The following CRYBA4 variants were observed in gnomAD, a reference collection of about 807,000 sequenced individuals.
The protein encoded by CRYBA4 is crystallin beta A4, also known as beta-crystallin A4.
A neutral mutation model predicts 31.7 loss-of-function variants in CRYBA4; 30 were observed. The observed-to-expected ratio is 0.95, with a 90% CI of 0.71 to 1.28. The LOEUF is 1.28. Among genes scored for constraint, CRYBA4 ranks in the 50% most tolerant of loss-of-function variants. The pLI is 0.00. For missense variants in CRYBA4, 225 were observed against 260.7 expected (o/e 0.86, Z 0.94); for synonymous variants, 102 against 102.3 (o/e 1.00, Z 0.02).
the CRYBA4 span, among the ~76,000 whole-genome samples, chr22:26,599,871 A>G: frequency 2.6e-5 from 4 of 152,334 alleles, no homozygotes; most frequent in South Asian, 8.3e-4. Flanking sequence ...TTCCTTTTCT[A>G]GGAAGTGAGC....
At chr22:26,600,128 G>A in the CRYBA4 span, among the ~76,000 whole-genome samples, 4 of 152,176 alleles carry the variant, frequency 2.6e-5, no homozygotes, top group Admixed American at 6.5e-5. Flanking sequence ...TTGGCTGGGC[G>A]CGGTGGCTCA....
chr22:26,605,834 G>C, the CRYBA4 span, among the ~76,000 whole-genome samples: 2 of 151,906 alleles, frequency 1.3e-5, no homozygotes, highest in Non-Finnish European at 1.5e-5. Context: ...AGCAGGGAGA[G>C]AGCTGAAGAT....
rs1459497417 is a variant in CRYBA4, at chr22:26,625,605, C to T, written c.283C>T (p.Arg95Trp). The T allele has an allele frequency of 9.9e-6, 16 of 1,613,748 alleles. No individual in the cohort carries two copies. Among genetic ancestry groups the T allele is most frequent in the Non-Finnish European group, 1.2e-5 (14 of 1,179,976 alleles). Residue 95 changes from arginine to tryptophan, a missense_variant, in exon 4 of 6, where the codon CGG becomes TGG. Transcript: ENST00000354760. ...AYPAERLTSFRPAACANHRDS... is the reference protein window; with the variant it reads ...AYPAERLTSFWPAACANHRDS... ...CCCCGCCGAGAGGCTCACCTCCTTC[C>T]GGCCTGCGGCCTGTGCTGTAAGTTC...
chr22:26,599,263 A>G, the CRYBA4 span: 6 of 571,902 alleles, frequency 1.0e-5, no homozygotes, highest in Non-Finnish European at 1.3e-5. Flanking sequence ...GTAGACTCAC[A>G]TAACAGGCAG....
At chr22:26,603,730 C>T in the CRYBA4 span, among the ~76,000 whole-genome samples, 1 of 149,266 alleles carries the variant, frequency 6.7e-6, no homozygotes, top group Non-Finnish European at 1.5e-5. Context: ...ATGGAGAAAC[C>T]CCATCTCTAC....
the CRYBA4 span, among the ~76,000 whole-genome samples, chr22:26,591,514 G>A: frequency 2.7e-5 from 4 of 150,556 alleles, no homozygotes; most frequent in Admixed American, 6.6e-5. Flanking sequence ...AGGCCGATGC[G>A]GGTGGATCAC....
intron 2 of CRYBA4, 123 bp downstream of exon 2, chr22:26,622,758 G>C: frequency 2.5e-6 from 2 of 789,664 alleles, no homozygotes; most frequent in Non-Finnish European, 4.4e-6. Flanking sequence ...GCTCAGAGTT[G>C]AGAAGGGACT....
the CRYBA4 span, chr22:26,602,139 A>G: frequency 1.5e-6 from 2 of 1,306,250 alleles, no homozygotes; most frequent in African/African-American, 2.9e-5. Context: ...CTGCTGGGGG[A>G]CTCTCCAGGG....
the CRYBA4 span, among the ~76,000 whole-genome samples, chr22:26,602,303 G>T: frequency 2.0e-5 from 3 of 152,140 alleles, no homozygotes; most frequent in African/African-American, 7.2e-5. Context: ...GCATTTATTG[G>T]CCGGGTGCCA....
chr22:26,628,129 A>C (rs577798382), intron 4 of CRYBA4, among the ~76,000 whole-genome samples, 159 bp from the exon 5 acceptor site: 38 of 152,226 alleles, frequency 2.5e-4, no homozygotes, highest in Middle Eastern at 6.8e-3. Flanking sequence ...GGAAGGGCAA[A>C]TGGCAAGGTT....
the CRYBA4 span, chr22:26,596,866 G>A: frequency 6.6e-6 from 1 of 152,206 alleles, no homozygotes. Flanking sequence ...GGGCTGGATG[G>A]GTATTTGAGC....
chr22:26,611,675 C>T, the CRYBA4 span, among the ~76,000 whole-genome samples: 2 of 151,972 alleles, frequency 1.3e-5, no homozygotes, highest in Non-Finnish European at 2.9e-5. Flanking sequence ...GGGGTTTCAC[C>T]TTGTTAGCCA....
At chr22:26,616,300 G>A in the CRYBA4 span, 1 of 1,613,338 alleles carries the variant, frequency 6.2e-7, no homozygotes, top group Non-Finnish European at 8.5e-7. Context: ...CGAGGCCGAG[G>A]CCTTTGCAGC....
the CRYBA4 span, among the ~76,000 whole-genome samples, chr22:26,610,702 T>C: frequency 1.3e-5 from 2 of 152,140 alleles, no homozygotes; most frequent in Admixed American, 6.5e-5. Flanking sequence ...TCACCTGCCA[T>C]GTTTGGGTGC....
intron 5 of CRYBA4, among the ~76,000 whole-genome samples, chr22:26,629,083 A>G (rs1027953449): frequency 2.6e-5 from 4 of 152,184 alleles, no homozygotes; most frequent in Non-Finnish European, 5.9e-5. Context: ...AACCTGCTCA[A>G]AGTCCATCAG....
chr22:26,597,103 G>A, the CRYBA4 span, among the ~76,000 whole-genome samples: 9 of 152,332 alleles, frequency 5.9e-5, no homozygotes, highest in Non-Finnish European at 1.3e-4. Flanking sequence ...ACCTGTCCAA[G>A]ATTATGTGAG....
At chr22:26,622,295 C>T (rs1929555180) in intron 1 of CRYBA4, among the ~76,000 whole-genome samples, 1 of 152,032 alleles carries the variant, frequency 6.6e-6, no homozygotes, top group South Asian at 2.1e-4. Flanking sequence ...CACCCACCCA[C>T]CAGCAGCCAC....
chr22:26,614,719 C>T, the CRYBA4 span, among the ~76,000 whole-genome samples: 10 of 152,232 alleles, frequency 6.6e-5, no homozygotes, highest in South Asian at 6.2e-4. Context: ...CGGCCAGTTG[C>T]GGTGGCTCAC....
chr22:26,612,086 A>G, the CRYBA4 span: 2 of 1,613,128 alleles, frequency 1.2e-6, no homozygotes, highest in Non-Finnish European at 1.7e-6. Context: ...CCGCGGAGAC[A>G]ATGATGCTGC....
Sources: gnomAD v4.1 joint callset for allele counts (sites outside exome capture counted in the v4.1 genomes callset) on GRCh38, gnomAD v4.1.1 for gene constraint, MANE v1.5 for transcripts, NCBI Gene and HGNC (gene_info 2026-07-23, HGNC 2026-07-21) for gene names.